Variants in GLT1D1 observed in about 807,000 individuals in gnomAD.
GLT1D1 encodes the protein glycosyltransferase 1 domain containing 1.
Under a neutral mutation model 28.7 loss-of-function variants are expected in GLT1D1, and 21 were observed. That is an observed-to-expected ratio of 0.73 (90% confidence interval 0.52 to 1.05). GLT1D1 has a LOEUF of 1.05. Ranked by LOEUF, GLT1D1 falls within the 50% of genes least tolerant of loss-of-function variation. The probability of loss-of-function intolerance (pLI) is 0.00; values close to 1 mark genes in which losing one functional copy is unlikely to be tolerated. For synonymous variants in GLT1D1, 147 were observed against 124.8 expected, an observed-to-expected ratio of 1.18 and a Z score of -1.19; for missense variants, 343 against 330.6, an observed-to-expected ratio of 1.04 and a Z score of -0.29.
chr12:128,906,723 T>TG (rs898544964), intron 4 of GLT1D1, among the ~76,000 whole-genome samples: 5 of 151,940 alleles, frequency 3.3e-5, no homozygotes, highest in Non-Finnish European at 5.9e-5. Flanking sequence ...TTCTTTTTTT[T>TG]TTTTTCTTTT....
intron 4 of GLT1D1, among the ~76,000 whole-genome samples, chr12:128,909,420 T>C (rs1260325348): frequency 1.3e-5 from 2 of 152,182 alleles, no homozygotes. Flanking sequence ...CCAATTTCTT[T>C]GTGTTTTGTG....
chr12:128,862,483 C>G (rs1323855202), intron 1 of GLT1D1, among the ~76,000 whole-genome samples: 5 of 152,018 alleles, frequency 3.3e-5, no homozygotes, highest in African/African-American at 1.2e-4. Flanking sequence ...TGGTGAAACC[C>G]CATCTCTACA....
chr12:128,909,619 G>C (rs1222708991), intron 4 of GLT1D1, among the ~76,000 whole-genome samples: 1 of 152,180 alleles, frequency 6.6e-6, no homozygotes, highest in Non-Finnish European at 1.5e-5. Flanking sequence ...ATCTATTGTG[G>C]TTTCCATTTG....
intron 4 of GLT1D1, among the ~76,000 whole-genome samples, chr12:128,924,022 G>A (rs1872926089): frequency 6.6e-6 from 1 of 151,982 alleles, no homozygotes; most frequent in African/African-American, 2.4e-5. Flanking sequence ...GCTGCTTCAT[G>A]TGTGTCCGCT....
intron 4 of GLT1D1, among the ~76,000 whole-genome samples, chr12:128,905,012 G>T (rs1870703529): frequency 6.6e-6 from 1 of 152,040 alleles, no homozygotes; most frequent in Admixed American, 6.6e-5. Flanking sequence ...CAAGTGATCT[G>T]CCCACCTCAT....
intron 4 of GLT1D1, chr12:128,944,864 G>T (rs890655258): frequency 5.9e-5 from 20 of 340,486 alleles, no homozygotes; most frequent in Middle Eastern, 8.5e-4. Flanking sequence ...TTGTTACATA[G>T]GTATACATGT....
At chr12:128,870,789 C>T (rs1011861444) in intron 1 of GLT1D1, among the ~76,000 whole-genome samples, 8 of 152,082 alleles carry the variant, frequency 5.3e-5, no homozygotes, top group East Asian at 1.9e-4. Flanking sequence ...GTTGGGAGTT[C>T]GAGACCAGCC....
chr12:128,923,681 C>T lies in GLT1D1; in HGVS notation c.376-21645C>T, dbSNP rs906615704. 9.2e-5 allele frequency among the ~76,000 whole-genome samples: 14 copies of T among 152,208 alleles called. 1 individual carries two copies. In the South Asian group the frequency reaches 2.9e-3, roughly 32 times the overall value. ...GGATTACAAGTGCCTGCTACCACAG[C>T]CAGCTAATTTTTGTATTTTTAGTAG... On this transcript the variant is annotated intron_variant, in intron 4 of 7. Transcript: ENST00000281703.
At chr12:128,903,802 C>T (rs1358063406) in intron 4 of GLT1D1, among the ~76,000 whole-genome samples, 1 of 151,796 alleles carries the variant, frequency 6.6e-6, no homozygotes, top group Non-Finnish European at 1.5e-5. Flanking sequence ...GCAATCTCAG[C>T]TCACTGCAAC....
intron 1 of GLT1D1, among the ~76,000 whole-genome samples, chr12:128,866,883 A>C (rs1956542132): frequency 6.6e-6 from 1 of 151,528 alleles, no homozygotes; most frequent in African/African-American, 2.4e-5. Context: ...GGCCTCCCAA[A>C]GTGCTGGGAT....
intron 7 of GLT1D1, among the ~76,000 whole-genome samples, chr12:128,967,577 A>C (rs1211885817): frequency 6.6e-6 from 1 of 152,228 alleles, no homozygotes; most frequent in East Asian, 1.9e-4. Context: ...AGCGCTGTGC[A>C]CTAGGGGAAG....
intron 7 of GLT1D1, among the ~76,000 whole-genome samples, chr12:128,967,668 A>T (rs532398127): frequency 1.3e-5 from 2 of 152,356 alleles, no homozygotes; most frequent in South Asian, 4.1e-4. Flanking sequence ...GAGCACTGAG[A>T]ACCCAGGGAG....
chr12:128,950,147 T>C (rs1159905665), intron 6 of GLT1D1, among the ~76,000 whole-genome samples: 1 of 152,188 alleles, frequency 6.6e-6, no homozygotes, highest in Non-Finnish European at 1.5e-5. Context: ...TTTTGAGTTT[T>C]CATCATTAGG....
intron 2 of GLT1D1, among the ~76,000 whole-genome samples, chr12:128,885,039 G>T (rs1281274604): frequency 6.6e-6 from 1 of 151,536 alleles, no homozygotes; most frequent in Non-Finnish European, 1.5e-5. Context: ...ACAGGTGTGA[G>T]CTACTGTGCT....
At chr12:128,876,158 T>C (rs924995084) in intron 2 of GLT1D1, 96 bp downstream of exon 2, 6 of 1,126,476 alleles carry the variant, frequency 5.3e-6, no homozygotes, top group African/African-American at 1.6e-5. Context: ...GTCTCCTTTT[T>C]ATCCAGTTCA....
intron 4 of GLT1D1, among the ~76,000 whole-genome samples, chr12:128,902,393 G>A (rs918435489): frequency 2.0e-5 from 3 of 150,752 alleles, no homozygotes; most frequent in Admixed American, 1.3e-4. Context: ...GCTGAGGCAG[G>A]AGAATCGCTT....
rs1426269238 is a variant in GLT1D1, at chr12:128,983,063, G to A, written c.774G>A (p.Arg258=). Residue 258 remains arginine, a synonymous_variant, in exon 8 of 8, where the codon AGG becomes AGA. Coordinates refer to ENST00000281703, the MANE Select transcript of GLT1D1 (RefSeq NM_144669.3). This position sits in a 1 kb window ranked among gnomAD's most constrained non-coding sequence, Gnocchi z 4.7. ...GAGACACCTACCAACAGCTCATCAG[G>A]AAGCTGGAAGGAAGCACTGAAGATT... 2 of 1,614,000 alleles carry A rather than the reference G, an allele frequency of 1.2e-6. No homozygotes were observed. Among genetic ancestry groups the A allele is most frequent in the Non-Finnish European group, 8.5e-7 (1 of 1,180,022 alleles).
chr12:128,861,222 C>CTA lies in GLT1D1; in HGVS notation c.68+7576_68+7577dup, dbSNP rs1324251861. 3.9e-5 allele frequency among the ~76,000 whole-genome samples: 6 copies of CTA among 152,290 alleles called. No individual in the cohort carries two copies. In the East Asian group the frequency reaches 1.2e-3, roughly 29 times the overall value. ...GTAAATAAAGTTGTAGTGGCCCCAGCTATACTATTATACGCTTACGTGTTG... is the reference window on the plus strand; with the variant it reads ...GTAAATAAAGTTGTAGTGGCCCCAGCTATATACTATTATACGCTTACGTGTTG... On this transcript the variant is annotated intron_variant, in intron 1 of 7. Transcript: ENST00000281703.
intron 6 of GLT1D1, among the ~76,000 whole-genome samples, chr12:128,953,743 CTTTT>C (rs3858582): frequency 2.8e-5 from 4 of 142,702 alleles, no homozygotes; most frequent in Non-Finnish European, 3.1e-5. Flanking sequence ...ACTAAAATAG[CTTTT>C]TTTTTTTTTT....
Sources: allele counts gnomAD v4.1 joint callset (sites outside exome capture counted in the v4.1 genomes callset), GRCh38; gene constraint gnomAD v4.1.1; non-coding constraint Gnocchi (gnomAD v3.1); transcripts MANE v1.5; gene names NCBI Gene and HGNC (gene_info 2026-07-23, HGNC 2026-07-21).